The following RRBP1 variants were observed in gnomAD, a reference collection of about 807,000 sequenced individuals.
The protein encoded by RRBP1 is ribosome binding protein 1.
In RRBP1, 94 loss-of-function variants were observed where a neutral mutation model predicts 165.2. That is an observed-to-expected ratio of 0.57 (90% CI 0.48 to 0.68). The LOEUF (loss-of-function observed/expected upper bound fraction) is 0.68. Ranked by LOEUF, RRBP1 falls within the 30% of genes least tolerant of loss-of-function variation. The pLI, the probability that RRBP1 is intolerant of heterozygous loss-of-function variation, is 0.00. For synonymous variants in RRBP1, 680 were observed against 714.5 expected (o/e 0.95, Z 0.77); for missense variants, 1,676 against 1,763.0 (o/e 0.95, Z 0.88).
intron 9 of RRBP1, 62 bp downstream of exon 9, chr20:17,629,761 G>T: frequency 6.6e-7 from 1 of 1,524,456 alleles, no homozygotes; most frequent in Non-Finnish European, 8.9e-7. Context: ...CAGTGGGGCT[G>T]GGCCGGCATG....
Position 17,643,306 on chromosome 20 carries a change from C to G in RRBP1, c.1913-179G>C, listed in dbSNP as rs1261882924. Among the ~76,000 whole-genome samples, 1 of 152,114 alleles carries G rather than the reference C, an allele frequency of 6.6e-6. No homozygotes were observed. Among genetic ancestry groups the G allele is most frequent in the Admixed American group, 6.5e-5 (1 of 15,278 alleles). ...AGTGTCTCCTGCTCTTTCAGGACAC[C>G]AAGAAACTGACTCAACGATAGGTCC... On this transcript the variant is annotated intron_variant, in intron 3 of 24. Transcript: ENST00000377813. This position sits in a 1 kb window ranked among gnomAD's most constrained non-coding sequence, Gnocchi z 4.3.
intron 9 of RRBP1, among the ~76,000 whole-genome samples, chr20:17,629,197 C>T (rs956758267): frequency 2.6e-5 from 4 of 152,242 alleles, no homozygotes; most frequent in African/African-American, 4.8e-5. Flanking sequence ...CAGCCCAGCC[C>T]GGCACCCACG....
At chr20:17,665,914 C>G (rs1013043327) in intron 2 of RRBP1, among the ~76,000 whole-genome samples, 1 of 152,198 alleles carries the variant, frequency 6.6e-6, no homozygotes, top group African/African-American at 2.4e-5. Flanking sequence ...CTTTCCCCAT[C>G]AGTTTAATTA....
At chr20:17,617,231 G>T (rs1019184013) in intron 20 of RRBP1, among the ~76,000 whole-genome samples, 3 of 152,192 alleles carry the variant, frequency 2.0e-5, no homozygotes, top group African/African-American at 7.2e-5. Flanking sequence ...CCCTTTCCGG[G>T]GTCTAGAAAA....
intron 24 of RRBP1, 26 bp downstream of exon 24, chr20:17,614,711 G>C: frequency 1.9e-6 from 3 of 1,607,898 alleles, no homozygotes; most frequent in Non-Finnish European, 2.5e-6. Flanking sequence ...GACTCCTCCC[G>C]CCCTGCTTTG....
intron 2 of RRBP1, among the ~76,000 whole-genome samples, chr20:17,679,509 A>G (rs1043680652): frequency 3.3e-5 from 5 of 152,190 alleles, no homozygotes; most frequent in African/African-American, 1.2e-4. Context: ...TGTGTCATTC[A>G]TCTATTAGTT....
At chr20:17,644,196 C>A (rs904153663) in intron 3 of RRBP1, among the ~76,000 whole-genome samples, 9 of 152,116 alleles carry the variant, frequency 5.9e-5, no homozygotes, top group Admixed American at 1.3e-4. Flanking sequence ...GGGATGTGGG[C>A]GAGCTGGTTG....
In RRBP1 at chr20:17,659,649, T is replaced by C. The variant is rs951924794; in HGVS notation, c.859A>G (p.Thr287Ala). The change falls in exon 3 of 25, where the codon ACC becomes GCC. Residue 287 changes from threonine (T) to alanine (A), a missense_variant. By Grantham distance (58) the Thr-to-Ala change is moderately conservative. Coordinates refer to ENST00000377813, the MANE Select transcript of RRBP1 (RefSeq NM_001365613.2). Reference sequence around the variant, plus strand: ...GCCCCCTCGGCCTTTCTGCCCTGGGTTGGGGCCCCCTCCACCTTTTTCCCC... The same window carrying C: ...GCCCCCTCGGCCTTTCTGCCCTGGGCTGGGGCCCCCTCCACCTTTTTCCCC... Reference protein sequence around the residue: ...NQGKKVEGAPTQGRKAEGAQN... With the variant: ...NQGKKVEGAPAQGRKAEGAQN... The C allele has an allele frequency of 3.9e-6, 6 of 1,550,340 alleles. No homozygotes were observed. Among genetic ancestry groups the C allele is most frequent in the East Asian group, 2.4e-5 (1 of 40,908 alleles).
In RRBP1 at chr20:17,618,576, G is replaced by A; in HGVS notation, c.3759+20C>T. On this transcript the variant is annotated intron_variant, in intron 20 of 24. Transcript: ENST00000377813. ...CGCCCCAGGTCACACTCCTGGCATG[G>A]GGACATGGAGGCCACCTACCAGGGC... is the stretch of plus-strand genomic sequence containing the variant. The A allele has an allele frequency of 6.2e-7, 1 of 1,600,384 alleles. No homozygotes were observed. The highest frequency in any genetic ancestry group is 1.1e-5 in the South Asian group (1 of 90,808).
chr20:17,640,481 A>C (rs530813866), intron 5 of RRBP1, among the ~76,000 whole-genome samples: 1 of 152,242 alleles, frequency 6.6e-6, no homozygotes, highest in Middle Eastern at 3.4e-3. Context: ...CTTAGGTCTG[A>C]AGATTAGGGG....
chr20:17,676,630 C>A (rs753435411), intron 2 of RRBP1, among the ~76,000 whole-genome samples: 1 of 152,200 alleles, frequency 6.6e-6, no homozygotes, highest in Non-Finnish European at 1.5e-5. Context: ...ATGCTGGGCA[C>A]TGAGAGCACA....
chr20:17,622,532 C>T (rs1034508073), intron 13 of RRBP1, among the ~76,000 whole-genome samples: 1 of 152,020 alleles, frequency 6.6e-6, no homozygotes, highest in Non-Finnish European at 1.5e-5. Flanking sequence ...AGCATTCCCC[C>T]TCTGCAGAGG....
rs201352443 is a variant in RRBP1 at position 17,635,613 on chromosome 20, G to A, written c.2389C>T (p.Arg797Cys). The part of the protein sequence containing the change: ...LENGPNTQLA[R>C]LQQENSILRD... ...AGGATGGAGTTCTCCTGCTGCAGGC[G>A]GGCCAGCTGCGTGTTGGGGCCATTC... The change falls in exon 7 of 25, where the codon CGC (arginine) becomes TGC (cysteine). Residue 797 changes from arginine to cysteine, a missense_variant. Physicochemically the swap from Arg to Cys is radical, Grantham distance 180. Transcript: ENST00000377813. 305 of 1,613,408 alleles carry A rather than the reference G, an allele frequency of 1.9e-4. No homozygotes were observed. Among genetic ancestry groups the A allele is most frequent in the Admixed American group, 2.3e-4 (14 of 59,966 alleles).
chr20:17,621,929 G>A lies in RRBP1; in HGVS notation c.3166C>T (p.Leu1056Phe). The A allele has an allele frequency of 1.9e-6, 3 of 1,613,558 alleles. No individual in the cohort carries two copies. Among genetic ancestry groups the A allele is most frequent in the Non-Finnish European group, 2.5e-6 (3 of 1,179,922 alleles). ...ATGGTCTGCGCCTCAATCAGACAGAGCTGCTTCTCCGATTCCTCCTGGGGG... is the reference window on the plus strand; with the variant it reads ...ATGGTCTGCGCCTCAATCAGACAGAACTGCTTCTCCGATTCCTCCTGGGGG... ...TQAKEESEKQLCLIEAQTMEA... is the reference protein window; with the variant it reads ...TQAKEESEKQFCLIEAQTMEA... The change falls in exon 14 of 25, where the codon CTC (leucine) becomes TTC (phenylalanine). Residue 1056 changes from leucine (L) to phenylalanine (F), a missense_variant. Leu to Phe is a conservative substitution (Grantham distance 22). Transcript: ENST00000377813.
At position 17,659,799 on chromosome 20, in the gene RRBP1, T is replaced by C. The variant is rs1401350377; in HGVS notation, c.709A>G (p.Asn237Asp). 4.5e-6 allele frequency: 7 copies of C among 1,550,950 alleles called. No individual in the cohort carries two copies. Among genetic ancestry groups the C allele is most frequent in the Non-Finnish European group, 6.1e-6 (7 of 1,146,988 alleles). The change falls in exon 3 of 25, where the codon AAC becomes GAC. Residue 237 changes from asparagine (N) to aspartate (D), a missense_variant. Transcript: ENST00000377813. ...NQGKKTEGTPNQGKKAEGTPN... is the reference protein window; with the variant it reads ...NQGKKTEGTPDQGKKAEGTPN... ...GTTCCCTCTGCCTTTTTCCCTTGGT[T>C]TGGGGTTCCCTCTGTCTTTTTGCCC...
chr20:17,619,753 A>G, intron 18 of RRBP1, 25 bp from the exon 19 acceptor site: 1 of 1,548,420 alleles, frequency 6.5e-7, no homozygotes, highest in Non-Finnish European at 8.8e-7. Flanking sequence ...AGACACGCAC[A>G]CGCATGCGCC....
At chr20:17,679,589 A>G (rs1386212851) in intron 2 of RRBP1, among the ~76,000 whole-genome samples, 1 of 152,242 alleles carries the variant, frequency 6.6e-6, no homozygotes, top group Non-Finnish European at 1.5e-5. Flanking sequence ...TCCCTGCTAC[A>G]TAATAAATCA....
intron 19 of RRBP1, 171 bp from the exon 20 acceptor site, chr20:17,618,850 G>A (rs1764875724): frequency 4.3e-5 from 26 of 610,606 alleles, no homozygotes; most frequent in South Asian, 3.4e-4. Context: ...CTACAGCTAC[G>A]ATTTCTTTTT....
intron 13 of RRBP1, among the ~76,000 whole-genome samples, chr20:17,623,734 C>T (rs920112457): frequency 1.1e-4 from 17 of 152,112 alleles, no homozygotes; most frequent in African/African-American, 3.6e-4. Context: ...GAGTTGGAGA[C>T]CAACCAAGCC....
Sources: gnomAD v4.1 joint callset for allele counts (sites outside exome capture counted in the v4.1 genomes callset) on GRCh38, gnomAD v4.1.1 for gene constraint, Gnocchi (gnomAD v3.1) non-coding constraint, MANE v1.5 for transcripts, NCBI Gene and HGNC (gene_info 2026-07-23, HGNC 2026-07-21) for gene names.